The following SLC26A4 variants were observed in gnomAD, a reference collection of about 807,000 sequenced individuals.
The protein encoded by SLC26A4 is solute carrier family 26 member 4.
In SLC26A4, 93 loss-of-function variants were observed where a neutral mutation model predicts 90.4. That is an observed-to-expected ratio of 1.03 (90% confidence interval 0.87 to 1.22). SLC26A4 has a LOEUF of 1.22. Ranked by LOEUF, SLC26A4 falls within the 50% of genes most tolerant of loss-of-function variation. The pLI, the probability that SLC26A4 is intolerant of heterozygous loss-of-function variation, is 0.00. For missense variants in SLC26A4, 1,127 were observed against 946.2 expected, an observed-to-expected ratio of 1.19 and a Z score of -2.51; for synonymous variants, 393 against 354.6, an observed-to-expected ratio of 1.11 and a Z score of -1.22.
chr7:107,663,381 C>T lies in SLC26A4; in HGVS notation c.250C>T (p.Leu84=), dbSNP rs1790620152. The T allele has an allele frequency of 6.2e-7, 1 of 1,614,128 alleles. No homozygotes were observed. Among genetic ancestry groups the T allele is most frequent in the Non-Finnish European group, 8.5e-7 (1 of 1,179,982 alleles). The change falls in exon 3 of 21, where the codon CTG becomes TTG. Residue 84 remains leucine (L), a synonymous_variant. Coordinates refer to ENST00000644269, the MANE Select transcript of SLC26A4 (RefSeq NM_000441.2). ...WLPKYRVKEW[L]LSDVISGVST... ...CCCCAAATACCGAGTCAAGGAATGG[C>T]TGCTTAGTGACGTCATTTCGGGAGT... is the stretch of plus-strand genomic sequence containing the variant.
chr7:107,707,022 A>AG (rs1792052378), intron 18 of SLC26A4, among the ~76,000 whole-genome samples: 1 of 152,198 alleles, frequency 6.6e-6, no homozygotes. Flanking sequence ...ACAAAAAATT[A>AG]GCTGGGCATG....
chr7:107,662,912 T>C (rs1452652085), intron 2 of SLC26A4, among the ~76,000 whole-genome samples: 1 of 152,222 alleles, frequency 6.6e-6, no homozygotes, highest in Non-Finnish European at 1.5e-5. Flanking sequence ...AGTGTGTTTA[T>C]CTTCTTTAAA....
chr7:107,691,132 C>T (rs1422628078), intron 10 of SLC26A4, among the ~76,000 whole-genome samples: 1 of 151,190 alleles, frequency 6.6e-6, no homozygotes, highest in Non-Finnish European at 1.5e-5. Context: ...CACACACACA[C>T]ACACACACAC....
At chr7:107,686,405 TTTTCTTTCTTTC>T (rs774114215) in intron 8 of SLC26A4, among the ~76,000 whole-genome samples, 8,298 of 82,482 alleles carry the variant, frequency 0.1, 352 homozygotes, top group Middle Eastern at 0.19. Context: ...TCTCTCTCTT[TTTTCTTTCTTTC>T]TTTCTTTCTT....
chr7:107,697,790 G>T (rs1448056087), intron 13 of SLC26A4, among the ~76,000 whole-genome samples: 1 of 152,128 alleles, frequency 6.6e-6, no homozygotes, highest in Non-Finnish European at 1.5e-5. Flanking sequence ...ATAACGTGTT[G>T]TGCACGTGCA....
At position 107,661,418 on chromosome 7, in the gene SLC26A4, G is replaced by A. The variant is rs1270701394; in HGVS notation, c.-3-221G>A. 1 of 603,286 alleles carries A rather than the reference G, an allele frequency of 1.7e-6. No homozygotes were observed. The highest frequency in any genetic ancestry group is 1.9e-5 in the African/African-American group (1 of 53,806). The allele number at this position is 603,286 out of a possible 1,614,324, so 37.4% of individuals were successfully genotyped here. On this transcript the variant is annotated intron_variant, in intron 1 of 20. Transcript: ENST00000644269. This position sits in a 1 kb window ranked among gnomAD's most constrained non-coding sequence, Gnocchi z 5.1. ...ACCCCGGGCAGCGGGTGCAGGCCAC[G>A]AGACCCGAAGGTTCTCAGGTGCCCC...
chr7:107,696,737 C>A (rs1262020220), intron 13 of SLC26A4, among the ~76,000 whole-genome samples: 1 of 151,962 alleles, frequency 6.6e-6, no homozygotes, highest in Admixed American at 6.6e-5. Context: ...AGGTGAGGAG[C>A]CTGAAGGTGG....
Position 107,701,822 on chromosome 7 carries a change from T to A in SLC26A4, c.1804-5T>A, listed in dbSNP as rs776421662. On this transcript the variant is annotated splice_region_variant and splice_polypyrimidine_tract_variant and intron_variant, in intron 16 of 20. Coordinates refer to ENST00000644269, the MANE Select transcript of SLC26A4 (RefSeq NM_000441.2). ...AATTAAGTTGACAGTGTTTTCTTCG[T>A]TTAGAATGGCATCATAAGTGATGCT... 6.4e-7 allele frequency: 1 copy of A among 1,562,988 alleles called. No individual in the cohort carries two copies. The highest frequency in any genetic ancestry group is 1.1e-5 in the South Asian group (1 of 90,026).
intron 9 of SLC26A4, 42 bp downstream of exon 9, chr7:107,689,242 A>G (rs1414051334): frequency 6.2e-7 from 1 of 1,604,298 alleles, no homozygotes; most frequent in Non-Finnish European, 8.5e-7. Flanking sequence ...TAGGGCTGGA[A>G]ACAGGAAAAA....
At position 107,710,191 on chromosome 7, in the gene SLC26A4, T is replaced by A. The variant is rs780626619; in HGVS notation, c.2227T>A (p.Leu743Ile). 6.3e-7 allele frequency: 1 copy of A among 1,599,704 alleles called. No individual in the cohort carries two copies. The highest frequency in any genetic ancestry group is 1.1e-5 in the South Asian group (1 of 90,744). The change falls in exon 19 of 21, where the codon TTA (leucine) becomes ATA (isoleucine). Residue 743 changes from leucine to isoleucine, a missense_variant. Coordinates refer to ENST00000644269, the MANE Select transcript of SLC26A4 (RefSeq NM_000441.2). The part of the protein sequence containing the change: ...VKSQEGQGSI[L>I]ETITLIQDCK... ...ATCTCAAGAGGGTCAAGGTTCCATT[T>A]TAGAAACGGTAAATATTCAACCTTT...
chr7:107,697,227 G>C (rs183915744), intron 13 of SLC26A4, among the ~76,000 whole-genome samples: 9 of 152,294 alleles, frequency 5.9e-5, no homozygotes, highest in Admixed American at 2.0e-4. Flanking sequence ...GTTTTACAGA[G>C]AGAGATTAGC....
chr7:107,691,514 T>TACACACACACACACACACAC (rs113976786), intron 10 of SLC26A4, among the ~76,000 whole-genome samples: 3 of 130,978 alleles, frequency 2.3e-5, no homozygotes, highest in Non-Finnish European at 4.7e-5. Context: ...AATATATATA[T>TACACACACACACACACACAC]ACACACACAC....
At chr7:107,672,075 T>C in intron 3 of SLC26A4, 63 bp from the exon 4 acceptor site, 2 of 989,634 alleles carry the variant, frequency 2.0e-6, no homozygotes, top group Non-Finnish European at 3.3e-6. Context: ...CATTGTAAGT[T>C]GAGGACTTTC....
rs1163642957 is a variant in SLC26A4, at chr7:107,698,067, A to C, written c.1570A>C (p.Ile524Leu). 1.9e-6 allele frequency: 3 copies of C among 1,610,828 alleles called. No homozygotes were observed. The highest frequency in any genetic ancestry group is 2.5e-6 in the Non-Finnish European group (3 of 1,177,046). Residue 524 changes from isoleucine (I) to leucine (L), a missense_variant, in exon 14 of 21, where the codon ATC (isoleucine) becomes CTC (leucine). Coordinates refer to ENST00000644269, the MANE Select transcript of SLC26A4 (RefSeq NM_000441.2). ...QFPSWNGLGS[I>L]PSTDIYKSTK... ...TCCTTCTTGGAATGGCCTTGGAAGCATCCCTAGCACAGATATCTACAAAAG... is the reference window on the plus strand; with the variant it reads ...TCCTTCTTGGAATGGCCTTGGAAGCCTCCCTAGCACAGATATCTACAAAAG...
At chr7:107,672,059 T>C (rs1790882163) in intron 3 of SLC26A4, 79 bp from the exon 4 acceptor site, 1 of 869,494 alleles carries the variant, frequency 1.2e-6, no homozygotes, top group Non-Finnish European at 2.0e-6. Flanking sequence ...AAGTCATAAG[T>C]GGAACCATTG....
chr7:107,686,417 C>CTTT (rs1181173363), intron 8 of SLC26A4, among the ~76,000 whole-genome samples: 1 of 64,580 alleles, frequency 1.5e-5, no homozygotes, highest in African/African-American at 9.6e-5. Context: ...TTCTTTCTTT[C>CTTT]TTTCTTTCTT....
intron 6 of SLC26A4, among the ~76,000 whole-genome samples, chr7:107,678,936 A>G (rs757306871): frequency 5.9e-5 from 9 of 152,228 alleles, no homozygotes; most frequent in Non-Finnish European, 8.8e-5. Flanking sequence ...TGGAGTGTTA[A>G]CTTATCTTTG....
In SLC26A4 at chr7:107,692,157, C is replaced by G. The variant is rs369682721; in HGVS notation, c.1263+1920C>G. The G allele has an allele frequency of 8.3e-6, 9 of 1,079,830 alleles. No homozygotes were observed. The East Asian group carries it at 6.1e-4, about 74-fold the overall frequency. The allele number at this position is 1,079,830 out of a possible 1,614,324, so 66.9% of individuals were successfully genotyped here. On this transcript the variant is annotated intron_variant, in intron 10 of 20. Transcript: ENST00000644269. ...TGCTCTGGTAAGCTAATACCCCCTG[C>G]CACATACTGGCATGTATTATATTTA...
chr7:107,689,001 A>G, intron 8 of SLC26A4, 52 bp from the exon 9 acceptor site: 1 of 1,603,422 alleles, frequency 6.2e-7, no homozygotes, highest in South Asian at 1.1e-5. Context: ...GAGATGGGGA[A>G]AAAGGATGGT....
Sources: allele counts gnomAD v4.1 joint callset (sites outside exome capture counted in the v4.1 genomes callset), GRCh38; gene constraint gnomAD v4.1.1; non-coding constraint Gnocchi (gnomAD v3.1); transcripts MANE v1.5; gene names NCBI Gene and HGNC (gene_info 2026-07-23, HGNC 2026-07-21).